The following RIMS2 variants were observed in gnomAD, a reference collection of about 807,000 sequenced individuals.
The protein encoded by RIMS2 is regulating synaptic membrane exocytosis 2.
Under a neutral mutation model 174.4 loss-of-function variants are expected in RIMS2, and 59 were observed. The ratio of observed to expected loss-of-function variants is 0.34; its 90% CI spans 0.27 to 0.42. RIMS2 has a LOEUF of 0.42. Among genes scored for constraint, RIMS2 ranks in the 10% least tolerant of loss-of-function variants. RIMS2 has a pLI of 1.00. For synonymous variants in RIMS2, 606 were observed against 572.5 expected (o/e 1.06, Z -0.84); for missense variants, 1,620 against 1,666.3 (o/e 0.97, Z 0.48).
chr8:103,961,650 G>A (rs912900674), intron 15 of RIMS2, among the ~76,000 whole-genome samples: 2 of 152,010 alleles, frequency 1.3e-5, no homozygotes, highest in Non-Finnish European at 2.9e-5. Flanking sequence ...AATATTTTAG[G>A]TAAGTATATA....
chr8:104,110,401 C>G (rs140805151), intron 19 of RIMS2, among the ~76,000 whole-genome samples: 1 of 152,258 alleles, frequency 6.6e-6, no homozygotes, highest in East Asian at 1.9e-4. Flanking sequence ...CTTGCTGCCT[C>G]TAACCATTAA....
At chr8:103,678,308 G>T (rs1024132850) in intron 1 of RIMS2, among the ~76,000 whole-genome samples, 1 of 152,130 alleles carries the variant, frequency 6.6e-6, no homozygotes, top group Non-Finnish European at 1.5e-5. Context: ...TATGAGCCAT[G>T]TATTATGCTA....
chr8:103,670,801 G>A (rs1288189323), intron 1 of RIMS2, among the ~76,000 whole-genome samples: 2 of 152,168 alleles, frequency 1.3e-5, no homozygotes, highest in African/African-American at 4.8e-5. Context: ...AAGTCTCTAG[G>A]AAGTTCCAAA....
intron 19 of RIMS2, among the ~76,000 whole-genome samples, chr8:104,200,286 G>A (rs2099048141): frequency 2.0e-5 from 3 of 152,162 alleles, no homozygotes; most frequent in South Asian, 4.1e-4. Context: ...ATCTTTGATT[G>A]GAAGCCCTGA....
chr8:104,140,833 T>C (rs1174820394), intron 19 of RIMS2, among the ~76,000 whole-genome samples: 2 of 152,074 alleles, frequency 1.3e-5, no homozygotes, highest in African/African-American at 4.8e-5. Flanking sequence ...ATGTTTGAAC[T>C]AAAAATTCAA....
intron 19 of RIMS2, among the ~76,000 whole-genome samples, chr8:104,130,301 G>A (rs911522015): frequency 6.6e-6 from 1 of 152,200 alleles, no homozygotes; most frequent in Admixed American, 6.5e-5. Flanking sequence ...TGATCTGGGT[G>A]AACCTGTACA....
chr8:103,841,958 A>G (rs1434023459), intron 3 of RIMS2, among the ~76,000 whole-genome samples: 2 of 148,222 alleles, frequency 1.3e-5, no homozygotes, highest in East Asian at 3.9e-4. Context: ...CCGTCTCAAA[A>G]AGAAAAAAGA....
At chr8:103,794,251 C>T (rs1219757537) in intron 3 of RIMS2, among the ~76,000 whole-genome samples, 5 of 152,032 alleles carry the variant, frequency 3.3e-5, no homozygotes, top group African/African-American at 1.2e-4. Context: ...ACCAATGGAA[C>T]AGAACAGAGC....
intron 19 of RIMS2, among the ~76,000 whole-genome samples, chr8:104,078,914 C>T (rs2097352319): frequency 6.6e-6 from 1 of 152,086 alleles, no homozygotes; most frequent in African/African-American, 2.4e-5. Flanking sequence ...GCCATGAAAA[C>T]CACATTTAAA....
intron 19 of RIMS2, among the ~76,000 whole-genome samples, chr8:104,191,803 C>T (rs1392914459): frequency 6.6e-6 from 1 of 152,046 alleles, no homozygotes; most frequent in Non-Finnish European, 1.5e-5. Context: ...CGGGGTCTCA[C>T]TATGTTGGCT....
rs138534297 is a variant in RIMS2 at position 104,160,540 on chromosome 8, G to A, written c.3335-84376G>A. Among the ~76,000 whole-genome samples, 257 of 152,228 alleles carry A rather than the reference G, an allele frequency of 1.7e-3. 3 individuals carry two copies. In the Middle Eastern group the frequency reaches 0.024, roughly 14 times the overall value. ...ATAAGTAGAACTCTTGAAAGCTTTT[G>A]TTAAGGAATATTTATATCTACAGCT... On this transcript the variant is annotated intron_variant, in intron 19 of 23. Transcript: ENST00000504942.
At chr8:103,830,725 A>T (rs1009221784) in intron 3 of RIMS2, among the ~76,000 whole-genome samples, 1 of 152,186 alleles carries the variant, frequency 6.6e-6, no homozygotes, top group Non-Finnish European at 1.5e-5. Context: ...CTGTGATTAT[A>T]GAATTTATTG....
At chr8:103,888,008 G>A (rs192490622) in intron 4 of RIMS2, among the ~76,000 whole-genome samples, 1 of 151,594 alleles carries the variant, frequency 6.6e-6, no homozygotes, top group African/African-American at 2.4e-5. Flanking sequence ...TATTTCTAAA[G>A]TTAGTCTGGA....
intron 1 of RIMS2, among the ~76,000 whole-genome samples, chr8:103,619,651 G>A (rs1475472506): frequency 6.6e-6 from 1 of 152,038 alleles, no homozygotes; most frequent in Non-Finnish European, 1.5e-5. Context: ...AGATCACATA[G>A]AGAAAGACTT....
intron 1 of RIMS2, among the ~76,000 whole-genome samples, chr8:103,543,829 T>A (rs1025664176): frequency 1.3e-5 from 2 of 152,198 alleles, no homozygotes; most frequent in African/African-American, 2.4e-5. Flanking sequence ...TGTCACACCA[T>A]GTGCAAAAAT....
chr8:104,111,251 A>G (rs1345342548), intron 19 of RIMS2, among the ~76,000 whole-genome samples: 2 of 152,226 alleles, frequency 1.3e-5, no homozygotes, highest in East Asian at 1.9e-4. Context: ...AATAGTTTCT[A>G]TAGTTCAATA....
Position 104,062,675 on chromosome 8 carries a change from G to A in RIMS2, c.3334+48060G>A, listed in dbSNP as rs952591985. Reference sequence around the variant, plus strand: ...CAATAGCTGTATACACTGATGATACGTTTTTATTCACTGCACTTCATTTGA... The same window carrying A: ...CAATAGCTGTATACACTGATGATACATTTTTATTCACTGCACTTCATTTGA... On this transcript the variant is annotated intron_variant, in intron 19 of 23. Transcript: ENST00000504942. 2.6e-5 allele frequency among the ~76,000 whole-genome samples: 4 copies of A among 152,162 alleles called. No individual in the cohort carries two copies. The South Asian group carries it at 6.2e-4, about 24-fold the overall frequency.
At chr8:103,560,472 A>G (rs1347491209) in intron 1 of RIMS2, among the ~76,000 whole-genome samples, 5 of 152,260 alleles carry the variant, frequency 3.3e-5, no homozygotes, top group Admixed American at 2.6e-4. Flanking sequence ...TGTGCCCTTT[A>G]TATAAACAAT....
chr8:104,196,114 A>G (rs2099022878), intron 19 of RIMS2, among the ~76,000 whole-genome samples: 1 of 152,192 alleles, frequency 6.6e-6, no homozygotes, highest in South Asian at 2.1e-4. Flanking sequence ...AAGGTAAAGA[A>G]AAATCTTTTA....
Sources: gnomAD v4.1 joint callset for allele counts (sites outside exome capture counted in the v4.1 genomes callset) on GRCh38, gnomAD v4.1.1 for gene constraint, MANE v1.5 for transcripts, NCBI Gene and HGNC (gene_info 2026-07-23, HGNC 2026-07-21) for gene names.